The following DOCK2 variants were observed in gnomAD, a reference collection of about 807,000 sequenced individuals.
DOCK2 encodes the protein dedicator of cytokinesis 2.
Under a neutral mutation model 248.9 loss-of-function variants are expected in DOCK2, and 87 were observed. That is an observed-to-expected ratio of 0.35 (90% CI 0.29 to 0.42). DOCK2 has a LOEUF of 0.42. Ranked by LOEUF, DOCK2 falls within the 10% of genes least tolerant of loss-of-function variation. DOCK2 has a pLI of 1.00. For missense variants in DOCK2, 1,747 were observed against 2,300.2 expected (o/e 0.76, Z 4.92); for synonymous variants, 805 against 821.6 (o/e 0.98, Z 0.35).
chr5:169,783,154 G>A (rs1765801676), intron 25 of DOCK2, among the ~76,000 whole-genome samples: 1 of 152,170 alleles, frequency 6.6e-6, no homozygotes, highest in Non-Finnish European at 1.5e-5. Context: ...CATTCTTGTA[G>A]TTTAAAACCT....
rs1032945649 is a variant in DOCK2, at chr5:170,014,548, G to C, written c.3233-4412G>C. ...TCTAATGGACTAGCCACATTTCAAG[G>C]GCTCAAAAGACTCATGCAGCTTGTA... On this transcript the variant is annotated intron_variant, in intron 32 of 51. Coordinates refer to ENST00000520908, the MANE Select transcript of DOCK2 (RefSeq NM_004946.3). Among the ~76,000 whole-genome samples, 4 of 150,298 alleles carry C rather than the reference G, an allele frequency of 2.7e-5. No individual in the cohort carries two copies. The East Asian group carries it at 7.9e-4, about 30-fold the overall frequency.
chr5:169,843,470 C>T (rs1295707543), intron 27 of DOCK2, among the ~76,000 whole-genome samples: 1 of 152,178 alleles, frequency 6.6e-6, no homozygotes, highest in Non-Finnish European at 1.5e-5. Context: ...TGCAGTGAAC[C>T]AAGATCGCGC....
At chr5:169,663,237 C>A (rs1020184212) in intron 2 of DOCK2, among the ~76,000 whole-genome samples, 1 of 152,210 alleles carries the variant, frequency 6.6e-6, no homozygotes. Context: ...AGGGATGGGT[C>A]CCCAAGGCCT....
At chr5:169,728,480 GAAAGGATTGTCATTCCAGGAAC>G in intron 22 of DOCK2, among the ~76,000 whole-genome samples, 1 of 152,262 alleles carries the variant, frequency 6.6e-6, no homozygotes, top group Non-Finnish European at 1.5e-5. Context: ...ATAACAGGCA[GAAAGGATTGTCATTCCAGGAAC>G]CAGGAAGGAC....
chr5:169,666,345 A>G (rs1429639179), intron 2 of DOCK2, among the ~76,000 whole-genome samples: 1 of 152,174 alleles, frequency 6.6e-6, no homozygotes, highest in Non-Finnish European at 1.5e-5. Context: ...TTGGGAGGAC[A>G]CATTCAGTCC....
chr5:170,044,111 C>T (rs574228266), intron 38 of DOCK2, among the ~76,000 whole-genome samples: 1 of 152,298 alleles, frequency 6.6e-6, no homozygotes, highest in East Asian at 1.9e-4. Flanking sequence ...GCTTTCGTTC[C>T]CTATACCTCC....
chr5:169,947,905 A>G (rs12659898), intron 27 of DOCK2, among the ~76,000 whole-genome samples: 41,305 of 152,090 alleles, frequency 0.27, 6,689 homozygotes, highest in East Asian at 0.43. Context: ...ATAAATAAAA[A>G]GTAAATGTCA....
intron 26 of DOCK2, among the ~76,000 whole-genome samples, chr5:169,810,864 TCTA>T (rs1767694639): frequency 6.6e-6 from 1 of 152,018 alleles, no homozygotes; most frequent in African/African-American, 2.4e-5. Flanking sequence ...ATCCCCGTCT[TCTA>T]CTCCCATTCC....
chr5:169,918,889 G>A (rs1054718111), intron 27 of DOCK2, among the ~76,000 whole-genome samples: 2 of 152,092 alleles, frequency 1.3e-5, no homozygotes, highest in Admixed American at 6.6e-5. Context: ...CAGCCCGGAC[G>A]ACAGAGCAAG....
At chr5:169,724,503 C>T (rs1046321460) in intron 22 of DOCK2, among the ~76,000 whole-genome samples, 2 of 152,108 alleles carry the variant, frequency 1.3e-5, no homozygotes, top group East Asian at 3.9e-4. Flanking sequence ...GCTTCAGCAC[C>T]TGGAAGCTTC....
intron 26 of DOCK2, among the ~76,000 whole-genome samples, chr5:169,839,209 C>T (rs1205750716): frequency 1.3e-5 from 2 of 152,156 alleles, no homozygotes; most frequent in Non-Finnish European, 2.9e-5. Flanking sequence ...CATCATGGTT[C>T]TTAGCCATCA....
At position 170,041,046 on chromosome 5, in the gene DOCK2, C is replaced by G. The variant is rs760260583; in HGVS notation, c.3666-9C>G. The G allele has an allele frequency of 4.3e-6, 7 of 1,613,484 alleles. No homozygotes were observed. In the African/African-American group the frequency reaches 9.4e-5, roughly 22 times the overall value. ...CCTGGTAGCTTACTGCATATTTTCC[C>G]TCAAACAGGTACCTGTACAAACTCC... On this transcript the variant is annotated splice_polypyrimidine_tract_variant and intron_variant, in intron 36 of 51. Transcript: ENST00000520908.
chr5:169,651,371 A>G (rs1757796458), intron 1 of DOCK2, among the ~76,000 whole-genome samples: 1 of 152,170 alleles, frequency 6.6e-6, no homozygotes, highest in East Asian at 1.9e-4. Context: ...CAGTTTCAAG[A>G]TCTGTCCAGG....
Position 169,698,410 on chromosome 5 carries a change from A to T in DOCK2, c.1016A>T (p.Glu339Val). 1 of 1,614,132 alleles carries T rather than the reference A, an allele frequency of 6.2e-7. No individual in the cohort carries two copies. Among genetic ancestry groups the T allele is most frequent in the Non-Finnish European group, 8.5e-7 (1 of 1,179,952 alleles). ...ACAGACATCATCAAGGGGAAAGCAGAGAGTGATGAAGAAAAGCAGCACTTC... is the reference window on the plus strand; with the variant it reads ...ACAGACATCATCAAGGGGAAAGCAGTGAGTGATGAAGAAAAGCAGCACTTC... ...DITDIIKGKA[E>V]SDEEKQHFIP... is the part of the protein sequence containing the mutation. Residue 339 changes from glutamate (E) to valine (V), a missense_variant, in exon 11 of 52, where the codon GAG becomes GTG. Glu to Val is a moderately radical substitution (Grantham distance 121, BLOSUM62 -2). Coordinates refer to ENST00000520908, the MANE Select transcript of DOCK2 (RefSeq NM_004946.3).
chr5:169,924,929 C>G (rs1026708836), intron 27 of DOCK2, among the ~76,000 whole-genome samples: 1 of 152,140 alleles, frequency 6.6e-6, no homozygotes, highest in African/African-American at 2.4e-5. Context: ...GAGTGTGTGT[C>G]CAGGCACAAT....
intron 25 of DOCK2, among the ~76,000 whole-genome samples, chr5:169,793,895 C>T (rs1364247875): frequency 6.6e-6 from 1 of 152,136 alleles, no homozygotes; most frequent in Admixed American, 6.5e-5. Flanking sequence ...CATGCAGCTG[C>T]CTTCTCCCCG....
At chr5:170,025,129 A>G (rs1755858398) in intron 33 of DOCK2, among the ~76,000 whole-genome samples, 5 of 152,264 alleles carry the variant, frequency 3.3e-5, no homozygotes, top group Non-Finnish European at 7.3e-5. Context: ...CACAGCACAC[A>G]CTTAATGTTA....
chr5:169,813,839 G>T (rs1025509052), intron 26 of DOCK2, among the ~76,000 whole-genome samples: 1 of 152,168 alleles, frequency 6.6e-6, no homozygotes, highest in African/African-American at 2.4e-5. Flanking sequence ...TAGGTGAGGG[G>T]TGGGGACAAT....
chr5:169,638,854 C>G (rs531971791), intron 1 of DOCK2, among the ~76,000 whole-genome samples: 1 of 152,146 alleles, frequency 6.6e-6, no homozygotes, highest in African/African-American at 2.4e-5. Context: ...AGCAATGGAG[C>G]GGGCCTTAAA....
Sources: gnomAD v4.1 joint callset for allele counts (sites outside exome capture counted in the v4.1 genomes callset) on GRCh38, gnomAD v4.1.1 for gene constraint, MANE v1.5 for transcripts, NCBI Gene and HGNC (gene_info 2026-07-23, HGNC 2026-07-21) for gene names.